Variants in MARF1 observed in about 807,000 individuals in gnomAD.
MARF1 encodes the protein meiosis regulator and mRNA stability factor 1.
In MARF1, 24 loss-of-function variants were observed where a neutral mutation model predicts 168.2. That is an observed-to-expected ratio of 0.14 (90% CI 0.10 to 0.20). The LOEUF (loss-of-function observed/expected upper bound fraction) is 0.20, where lower values mean the gene tolerates loss of function less well. Ranked by LOEUF, MARF1 falls within the 10% of genes least tolerant of loss-of-function variation. The pLI is 1.00. For synonymous variants in MARF1, 868 were observed against 822.4 expected (o/e 1.06, Z -0.95); for missense variants, 1,744 against 2,143.6 (o/e 0.81, Z 3.68).
rs1270294164 is a variant in MARF1 at position 15,595,340 on chromosome 16, G to C, written c.*1353C>G. On this transcript the variant is annotated 3_prime_UTR_variant, in exon 27 of 27. Coordinates refer to ENST00000396368, the MANE Select transcript of MARF1 (RefSeq NM_014647.4). Reference sequence around the variant, plus strand: ...CTATGAAATCAGAGTCCATTTTCTGGCTTTCTAGAAGTTACCAAATATAAA... The same window carrying C: ...CTATGAAATCAGAGTCCATTTTCTGCCTTTCTAGAAGTTACCAAATATAAA... 3.9e-5 allele frequency: 6 copies of C among 152,540 alleles called. No homozygotes were observed. 9.4% of individuals were successfully genotyped at this position (152,540 alleles called of 1,614,324 possible).
chr16:15,612,479 T>C (rs1333042380), intron 17 of MARF1, 78 bp downstream of exon 17: 8 of 1,258,578 alleles, frequency 6.4e-6, no homozygotes, highest in African/African-American at 2.9e-5. Context: ...GGAATTAAAC[T>C]GTTTCTTTGA....
chr16:15,602,886 C>T (rs938553351), intron 22 of MARF1: 2 of 268,356 alleles, frequency 7.5e-6, no homozygotes, highest in African/African-American at 4.5e-5. Flanking sequence ...GAGGATGACA[C>T]TAGCATTCTT....
Position 15,625,744 on chromosome 16 carries a change from G to A in MARF1, c.1581C>T (p.Ser527=). 4 of 1,613,976 alleles carry A rather than the reference G, an allele frequency of 2.5e-6. No homozygotes were observed. The highest frequency in any genetic ancestry group is 1.3e-5 in the African/African-American group (1 of 75,044). Residue 527 remains serine (S), a synonymous_variant, in exon 8 of 27, where the codon AGC becomes AGT. Transcript: ENST00000396368. The part of the protein sequence containing the change: ...YNLPANKDGK[S]VSNRLRRLSD... ...ACAGGCGTCTGAGCCTGTTGCTGAC[G>A]CTCTTGCCATCCTTATTTGCTGGTA... is the stretch of plus-strand genomic sequence containing the variant.
chr16:15,626,249 G>A (rs2034833835), intron 7 of MARF1, among the ~76,000 whole-genome samples: 1 of 152,178 alleles, frequency 6.6e-6, no homozygotes, highest in African/African-American at 2.4e-5. Context: ...GCCTGGGAGT[G>A]GGGAAGGGGA....
At chr16:15,631,686 C>T (rs2035267529) in intron 5 of MARF1, among the ~76,000 whole-genome samples, 188 bp from the exon 6 acceptor site, 1 of 152,138 alleles carries the variant, frequency 6.6e-6, no homozygotes, top group Admixed American at 6.5e-5. Context: ...ATCAACCCAT[C>T]ATCTAGGTTT....
In MARF1 at chr16:15,598,915, G is replaced by A. The variant is rs764007202; in HGVS notation, c.4923C>T (p.Asp1641=). 1.2e-6 allele frequency: 2 copies of A among 1,614,022 alleles called. No individual in the cohort carries two copies. The highest frequency in any genetic ancestry group is 1.1e-5 in the South Asian group (1 of 91,080). The change falls in exon 26 of 27, where the codon GAC becomes GAT. Residue 1641 remains aspartate (D), a synonymous_variant. Transcript: ENST00000396368. The part of the protein sequence containing the change: ...SCLPSPQLRP[D]PVILQSADLI... ...GATCAGCAGATTGGAGGATAACGGG[G>A]TCTGGTCTCAGCTGAGGGGACGGCA...
At chr16:15,611,804 CCCTCTCGTTACTAG>C in intron 17 of MARF1, 70 bp from the exon 18 acceptor site, 1 of 1,364,258 alleles carries the variant, frequency 7.3e-7, no homozygotes, top group Middle Eastern at 2.1e-4. Context: ...TGCTGGCTCA[CCCTCTCGTTACTAG>C]CCTCAGAGCA....
At chr16:15,600,862 A>G (rs1243463859) in intron 23 of MARF1, 161 bp from the exon 24 acceptor site, 2 of 767,442 alleles carry the variant, frequency 2.6e-6, no homozygotes, top group African/African-American at 3.5e-5. Context: ...TAGCTTTTAA[A>G]GCAACAGAAG....
At chr16:15,613,549 C>CT (rs2033762469) in intron 16 of MARF1, among the ~76,000 whole-genome samples, 1 of 151,778 alleles carries the variant, frequency 6.6e-6, no homozygotes, top group African/African-American at 2.4e-5. Flanking sequence ...GTAGTCCCAG[C>CT]TACTCAGGAG....
At chr16:15,611,164 CT>C in intron 18 of MARF1, 56 bp from the exon 19 acceptor site, 1 of 1,578,026 alleles carries the variant, frequency 6.3e-7, no homozygotes, top group African/African-American at 1.4e-5. Flanking sequence ...GGTAGAAGAA[CT>C]ACAAGTTTTC....
At position 15,611,656 on chromosome 16, in the gene MARF1, T is replaced by G; in HGVS notation, c.3553A>C (p.Lys1185Gln). ...QVKRFTQDLL[K>Q]LLKSQASKQV... ...TTGCTGGCCTGGGATTTGAGAAGTTTTAGTAAATCCTGAGTAAAGCGCTTC... is the reference window on the plus strand; with the variant it reads ...TTGCTGGCCTGGGATTTGAGAAGTTGTAGTAAATCCTGAGTAAAGCGCTTC... The change falls in exon 18 of 27, where the codon AAA (lysine) becomes CAA (glutamine). Residue 1185 changes from lysine to glutamine, a missense_variant. Physicochemically the swap from Lys to Gln is moderately conservative, Grantham distance 53. This residue lies in a region of MARF1 where 543 missense variants were observed against 742.1 expected (regional missense o/e 0.73). Transcript: ENST00000396368. 6.2e-7 allele frequency: 1 copy of G among 1,614,114 alleles called. No individual in the cohort carries two copies.
intron 21 of MARF1, among the ~76,000 whole-genome samples, chr16:15,604,848 G>C (rs1366148551): frequency 1.3e-5 from 2 of 152,104 alleles, no homozygotes; most frequent in African/African-American, 2.4e-5. Context: ...TTGCCCATAT[G>C]CGTCCCCAGG....
At chr16:15,642,847 A>G (rs1019486865) in intron 1 of MARF1, among the ~76,000 whole-genome samples, 171 bp downstream of exon 1, 2 of 151,828 alleles carry the variant, frequency 1.3e-5, no homozygotes, top group African/African-American at 2.4e-5. Context: ...AGACAAGCCA[A>G]CTCTTTCGTG....
At chr16:15,625,206 T>G in intron 8 of MARF1, 33 bp from the exon 9 acceptor site, 1 of 1,605,674 alleles carries the variant, frequency 6.2e-7, no homozygotes, top group Non-Finnish European at 8.5e-7. Flanking sequence ...GGGTTTAAAT[T>G]TTAAGTACCC....
At chr16:15,640,156 A>G (rs1169994383) in intron 1 of MARF1, among the ~76,000 whole-genome samples, 2 of 152,182 alleles carry the variant, frequency 1.3e-5, no homozygotes, top group African/African-American at 4.8e-5. Context: ...ATTGACAACT[A>G]TATGTAAGAT....
At chr16:15,627,634 A>G (rs768641038) in intron 7 of MARF1, among the ~76,000 whole-genome samples, 1 of 152,146 alleles carries the variant, frequency 6.6e-6, no homozygotes, top group Non-Finnish European at 1.5e-5. Context: ...AATAAGAATA[A>G]TATTTTAAAA....
At chr16:15,613,845 C>A (rs753802872) in intron 16 of MARF1, among the ~76,000 whole-genome samples, 11 of 152,004 alleles carry the variant, frequency 7.2e-5, no homozygotes, top group Non-Finnish European at 1.5e-4. Context: ...TTCCTAAGAG[C>A]AGGCTGACTC....
At chr16:15,622,508 T>C (rs1239079558) in intron 11 of MARF1, among the ~76,000 whole-genome samples, 1 of 152,082 alleles carries the variant, frequency 6.6e-6, no homozygotes, top group East Asian at 1.9e-4. Flanking sequence ...TCTCCTGCCT[T>C]AGCCTCCTAA....
At chr16:15,639,023 C>A in intron 2 of MARF1, 67 bp downstream of exon 2, 1 of 1,515,190 alleles carries the variant, frequency 6.6e-7, no homozygotes, top group Non-Finnish European at 8.9e-7. Flanking sequence ...GTATCCCAGA[C>A]CAAATGGACC....
Sources: gnomAD v4.1 joint callset for allele counts (sites outside exome capture counted in the v4.1 genomes callset) on GRCh38, gnomAD v4.1.1 for gene constraint, gnomAD v4.1.1 regional missense constraint, MANE v1.5 for transcripts, NCBI Gene and HGNC (gene_info 2026-07-23, HGNC 2026-07-21) for gene names.